ZIC4: variants seen among roughly 807,000 people sequenced by gnomAD.
ZIC4 encodes Zic family zinc finger 4, also known as zinc finger protein ZIC 4.
A neutral mutation model predicts 28.8 loss-of-function variants in ZIC4; 15 were observed. The observed-to-expected ratio is 0.52, with a 90% CI of 0.35 to 0.80. The LOEUF is 0.80. ZIC4 is among the 30% of genes least tolerant of loss of function. ZIC4 has a pLI of 0.01. For synonymous variants in ZIC4, 220 were observed against 198.1 expected (o/e 1.11, Z -0.93); for missense variants, 512 against 467.1 (o/e 1.10, Z -0.89).
chr3:147,405,621 G>T (rs2087257941), intron 1 of ZIC4: 1 of 815,456 alleles, frequency 1.2e-6, no homozygotes, highest in Non-Finnish European at 2.0e-6. Flanking sequence ...GCTCCCCAGA[G>T]AGCTAGTTGC....
At chr3:147,405,706 C>G in intron 1 of ZIC4, 1 of 573,530 alleles carries the variant, frequency 1.7e-6, no homozygotes. Context: ...GAGCAGATCC[C>G]AGCAGTCAGC....
In ZIC4 at chr3:147,391,075, A is replaced by C. The variant is rs2086907065; in HGVS notation, c.860T>G (p.Val287Gly). The change falls in exon 4 of 5, where the codon GTG (valine) becomes GGG (glycine). Residue 287 changes from valine (V) to glycine (G), a missense_variant. By Grantham distance (109) the Val-to-Gly change is moderately radical (BLOSUM62 -3). Transcript: ENST00000383075. ...HPSSLRKHMKVHGRSPPPSSG... is the reference protein window; with the variant it reads ...HPSSLRKHMKGHGRSPPPSSG... Reference sequence around the variant, plus strand: ...GCTGGGCGGCGGCGAGCGCCCGTGCACCTTCATGTGCTTACGCAGCGAGCT... The same window carrying C: ...GCTGGGCGGCGGCGAGCGCCCGTGCCCCTTCATGTGCTTACGCAGCGAGCT... 1 of 1,614,018 alleles carries C rather than the reference A, an allele frequency of 6.2e-7. No homozygotes were observed. The highest frequency in any genetic ancestry group is 2.2e-5 in the East Asian group (1 of 44,872).
intron 2 of ZIC4, among the ~76,000 whole-genome samples, chr3:147,401,928 A>C (rs2087170600): frequency 6.6e-6 from 1 of 152,184 alleles, no homozygotes; most frequent in African/African-American, 2.4e-5. Flanking sequence ...TTACATAACA[A>C]CTCATACCTC....
chr3:147,404,086 A>G (rs1398773998), intron 1 of ZIC4: 2 of 1,537,010 alleles, frequency 1.3e-6, no homozygotes, highest in Admixed American at 2.0e-5. Context: ...GCATTCCTAC[A>G]GAAGGGCGGC....
intron 1 of ZIC4, chr3:147,404,165 T>C: frequency 3.3e-6 from 5 of 1,519,360 alleles, no homozygotes; most frequent in Non-Finnish European, 4.4e-6. Flanking sequence ...CCTGGTTGGT[T>C]GGCAATAATA....
chr3:147,396,655 T>C lies in ZIC4; in HGVS notation c.71-186A>G, dbSNP rs367986383. ...GCAAGGCCAAACACCTCCGCCGCCA[T>C]TGGGCCGAATTGCTGTTGGGCCAAG... On this transcript the variant is annotated intron_variant, in intron 2 of 4. Transcript: ENST00000383075. The surrounding 1 kb of genome is among the most constrained non-coding windows in gnomAD (Gnocchi z 4.2). The C allele has an allele frequency of 2.2e-4, 141 of 646,516 alleles. No individual in the cohort carries two copies. Among genetic ancestry groups the C allele is most frequent in the African/African-American group, 2.1e-3 (110 of 53,558 alleles). The allele number at this position is 646,516 out of a possible 1,614,324, so 40.0% of individuals were successfully genotyped here.
intron 2 of ZIC4, among the ~76,000 whole-genome samples, chr3:147,399,802 A>T (rs2087127468): frequency 6.6e-6 from 1 of 151,644 alleles, no homozygotes; most frequent in South Asian, 2.1e-4. Flanking sequence ...AGTAGCTGGG[A>T]TTACAGGCAC....
intron 1 of ZIC4, chr3:147,406,121 AC>A (rs1226371803): frequency 6.4e-6 from 1 of 155,066 alleles, no homozygotes; most frequent in Non-Finnish European, 1.4e-5. Flanking sequence ...GAAGGGATGG[AC>A]TCATCCTCTG....
chr3:147,390,958 G>A lies in ZIC4; in HGVS notation c.977C>T (p.Ala326Val). ...KSQVASSAAV[A>V]ARTADLSE ...TTCGCTCAAGTCGGCGGTACGCGCC[G>A]CCACCGCCGCCGAGGAGGCCACCTG... The change falls in exon 4 of 5, where the codon GCG (alanine) becomes GTG (valine). Residue 326 changes from alanine (A) to valine (V), a missense_variant. Around this residue, in one of 3 missense-constraint regions of ZIC4, gnomAD observed 144 missense variants for 116.8 expected, o/e 1.23. Coordinates refer to ENST00000383075, the MANE Select transcript of ZIC4 (RefSeq NM_032153.6). The A allele has an allele frequency of 6.2e-7, 1 of 1,611,192 alleles. No individual in the cohort carries two copies. Among genetic ancestry groups the A allele is most frequent in the South Asian group, 1.1e-5 (1 of 90,910 alleles).
At chr3:147,398,276 G>A (rs923511058) in intron 2 of ZIC4, among the ~76,000 whole-genome samples, 1 of 152,188 alleles carries the variant, frequency 6.6e-6, no homozygotes, top group Non-Finnish European at 1.5e-5. Context: ...TTCAGCTTCG[G>A]CTACTTGTTG....
chr3:147,391,497 C>T (rs1325262500), intron 3 of ZIC4: 1 of 402,042 alleles, frequency 2.5e-6, no homozygotes, highest in East Asian at 3.9e-5. Flanking sequence ...GGAGGAGGAG[C>T]GACAGTGACT....
chr3:147,392,751 A>G (rs2107968397), intron 3 of ZIC4: 1 of 152,412 alleles, frequency 6.6e-6, no homozygotes, highest in Middle Eastern at 3.4e-3. Context: ...TTTGCGCACA[A>G]CCTGCGCTTC....
At position 147,386,467 on chromosome 3, in the gene ZIC4, T is replaced by C. The variant is rs2086799079; in HGVS notation, c.*2392A>G. ...TAAACAAACATATGGAGACCTTCAG[T>C]TAACAAATAAAATCAATATCAGGAA... On this transcript the variant is annotated 3_prime_UTR_variant, in exon 5 of 5. Transcript: ENST00000383075. 6.6e-6 allele frequency: 1 copy of C among 152,650 alleles called. No homozygotes were observed. The highest frequency in any genetic ancestry group is 6.5e-5 in the Admixed American group (1 of 15,280). The allele number at this position is 152,650 out of a possible 1,614,324, so 9.5% of individuals were successfully genotyped here.
intron 2 of ZIC4, among the ~76,000 whole-genome samples, chr3:147,400,772 T>C (rs1336603747): frequency 1.3e-5 from 2 of 152,088 alleles, no homozygotes; most frequent in Non-Finnish European, 2.9e-5. Context: ...TCATTTTGAG[T>C]CTTCCAGAGC....
At position 147,386,513 on chromosome 3, in the gene ZIC4, A is replaced by G. The variant is rs2086800079; in HGVS notation, c.*2346T>C. 1.3e-5 allele frequency: 2 copies of G among 152,688 alleles called. No individual in the cohort carries two copies. Among genetic ancestry groups the G allele is most frequent in the Admixed American group, 1.3e-4 (2 of 15,294 alleles). 9.5% of individuals were successfully genotyped at this position (152,688 alleles called of 1,614,324 possible). On this transcript the variant is annotated 3_prime_UTR_variant, in exon 5 of 5. Coordinates refer to ENST00000383075, the MANE Select transcript of ZIC4 (RefSeq NM_032153.6). ...AGGAAGAACATTTTGCAGCAACTAT[A>G]ATAACAGCATGGGTTACAGCTTGGA... is the stretch of plus-strand genomic sequence containing the variant.
chr3:147,390,886 G>C, intron 4 of ZIC4, 45 bp downstream of exon 4: 1 of 1,554,240 alleles, frequency 6.4e-7, no homozygotes, highest in Non-Finnish European at 8.7e-7. Context: ...GCTGAGGATC[G>C]CGGCGGGGGC....
intron 2 of ZIC4, among the ~76,000 whole-genome samples, chr3:147,401,813 T>C (rs2087168966): frequency 2.6e-5 from 4 of 152,264 alleles, no homozygotes; most frequent in Admixed American, 2.6e-4. Flanking sequence ...TTGGATATGC[T>C]TTAATTTCCA....
At position 147,396,251 on chromosome 3, in the gene ZIC4, C is replaced by T. The variant is rs747421056; in HGVS notation, c.289G>A (p.Gly97Ser). Residue 97 changes from glycine to serine, a missense_variant, in exon 3 of 5, where the codon GGC becomes AGC. This residue lies in a region of ZIC4 where 310 missense variants were observed against 256.5 expected (regional missense o/e 1.21). Transcript: ENST00000383075. This position sits in a 1 kb window ranked among gnomAD's most constrained non-coding sequence, Gnocchi z 4.2. ...ACCGTCAGGTTCATGCCCCCGTAGC[C>T]ATGCAGGGCTGCGGCAGCTGCCAGG... ...DALAAAAALH[G>S]YGGMNLTVNL... is the part of the protein sequence containing the mutation. 2 of 1,613,168 alleles carry T rather than the reference C, an allele frequency of 1.2e-6. No individual in the cohort carries two copies. Among genetic ancestry groups the T allele is most frequent in the Non-Finnish European group, 1.7e-6 (2 of 1,179,522 alleles).
At chr3:147,394,061 G>A (rs184796219) in intron 3 of ZIC4, 1 of 433,368 alleles carries the variant, frequency 2.3e-6, no homozygotes, top group Admixed American at 2.5e-5. Flanking sequence ...ATCGAGAACT[G>A]TCTTCATGAA....
Sources: allele counts gnomAD v4.1 joint callset (sites outside exome capture counted in the v4.1 genomes callset), GRCh38; gene constraint gnomAD v4.1.1; regional missense constraint gnomAD v4.1.1; non-coding constraint Gnocchi (gnomAD v3.1); transcripts MANE v1.5; gene names NCBI Gene and HGNC (gene_info 2026-07-23, HGNC 2026-07-21).